The following IPMK variants were observed in gnomAD, a reference collection of about 807,000 sequenced individuals.
IPMK encodes inositol 1,3,4,6-tetrakisphosphate 5-kinase.
A neutral mutation model predicts 45.8 loss-of-function variants in IPMK; 17 were observed. The observed-to-expected ratio is 0.37, with a 90% CI of 0.25 to 0.56. The LOEUF (loss-of-function observed/expected upper bound fraction) is 0.56. Among genes scored for constraint, IPMK ranks in the 20% least tolerant of loss-of-function variants. The pLI, the probability that IPMK is intolerant of heterozygous loss-of-function variation, is 0.79. For synonymous variants in IPMK, 180 were observed against 184.3 expected, an observed-to-expected ratio of 0.98 and a Z score of 0.19; for missense variants, 399 against 498.0, an observed-to-expected ratio of 0.80 and a Z score of 1.89.
chr10:58,193,885 C>A lies in IPMK; in HGVS notation c.*2191G>T, dbSNP rs1349764484. Reference sequence around the variant, plus strand: ...ATAAACAGATACTTATTCTGTTATACCTAAGCCTACTTATAAAGCAACATA... The same window carrying A: ...ATAAACAGATACTTATTCTGTTATAACTAAGCCTACTTATAAAGCAACATA... On this transcript the variant is annotated 3_prime_UTR_variant, in exon 6 of 6. Transcript: ENST00000373935. 6.6e-6 allele frequency: 1 copy of A among 151,660 alleles called. No individual in the cohort carries two copies. Among genetic ancestry groups the A allele is most frequent in the Non-Finnish European group, 1.5e-5 (1 of 67,702 alleles). The allele number at this position is 151,660 out of a possible 1,614,324, so 9.4% of individuals were successfully genotyped here. A position where few individuals can be genotyped will look rare whatever the true frequency, so the allele number is the denominator to read the frequency against.
Position 58,211,163 on chromosome 10 carries a change from T to C in IPMK, c.546+4982A>G, listed in dbSNP as rs115138864. On this transcript the variant is annotated intron_variant, in intron 4 of 5. Coordinates refer to ENST00000373935, the MANE Select transcript of IPMK (RefSeq NM_152230.5). ...AATCAAGATCAGTAGGATTGATGGATGGCTGACAGGTAACAGTGATTACCC... is the reference window on the plus strand; with the variant it reads ...AATCAAGATCAGTAGGATTGATGGACGGCTGACAGGTAACAGTGATTACCC... Among the ~76,000 whole-genome samples the C allele has an allele frequency of 7.9e-3, 1,191 of 150,860 alleles. 18 individuals carry two copies. The highest frequency in any genetic ancestry group is 0.025 in the African/African-American group (1,036 of 40,960).
At chr10:58,237,387 C>T (rs575327209) in intron 2 of IPMK, among the ~76,000 whole-genome samples, 1 of 152,300 alleles carries the variant, frequency 6.6e-6, no homozygotes, top group South Asian at 2.1e-4. Flanking sequence ...TTGCCATAAG[C>T]TCTAACCTTA....
intron 4 of IPMK, among the ~76,000 whole-genome samples, chr10:58,210,724 C>G (rs373436857): frequency 1.5e-3 from 227 of 152,184 alleles, no homozygotes; most frequent in Non-Finnish European, 2.8e-3. Context: ...CAACTGTGAT[C>G]TGGATTCTCA....
intron 3 of IPMK, among the ~76,000 whole-genome samples, chr10:58,220,800 A>G (rs1241006314): frequency 6.6e-6 from 1 of 152,230 alleles, no homozygotes; most frequent in African/African-American, 2.4e-5. Flanking sequence ...TACACTTAGC[A>G]TAATTGCTGC....
chr10:58,235,632 CAG>C (rs1838598741), intron 2 of IPMK, among the ~76,000 whole-genome samples: 2 of 152,004 alleles, frequency 1.3e-5, no homozygotes, highest in Non-Finnish European at 2.9e-5. Context: ...CACTTGGACA[CAG>C]GGGAACATCA....
At chr10:58,232,217 C>T (rs1049508586) in intron 2 of IPMK, among the ~76,000 whole-genome samples, 1 of 152,100 alleles carries the variant, frequency 6.6e-6, no homozygotes, top group African/African-American at 2.4e-5. Flanking sequence ...ACTTAGACCC[C>T]CACACAATAA....
intron 1 of IPMK, among the ~76,000 whole-genome samples, chr10:58,238,301 A>C (rs1838645030): frequency 6.6e-6 from 1 of 152,366 alleles, no homozygotes; most frequent in Admixed American, 6.5e-5. Context: ...TTGCTGATTC[A>C]AATGCACTGT....
At chr10:58,261,780 C>T (rs1721666072) in intron 1 of IPMK, among the ~76,000 whole-genome samples, 1 of 152,098 alleles carries the variant, frequency 6.6e-6, no homozygotes, top group Admixed American at 6.5e-5. Flanking sequence ...CAGGGTTTTG[C>T]CATGTTGGCC....
chr10:58,200,877 A>G (rs1234231955), intron 4 of IPMK, among the ~76,000 whole-genome samples: 1 of 152,154 alleles, frequency 6.6e-6, no homozygotes, highest in East Asian at 1.9e-4. Context: ...GGCACATGTG[A>G]TATTTTTTTA....
At chr10:58,198,990 A>AT (rs958484059) in intron 5 of IPMK, among the ~76,000 whole-genome samples, 54 of 149,696 alleles carry the variant, frequency 3.6e-4, no homozygotes, top group South Asian at 1.7e-3. Context: ...ACAGCTGTTC[A>AT]TTTTTTTTTT....
rs143183136 is a variant in IPMK, at chr10:58,231,113, C to T, written c.277-3974G>A. 8.5e-3 allele frequency among the ~76,000 whole-genome samples: 1,293 copies of T among 151,906 alleles called. 20 individuals carry two copies. The highest frequency in any genetic ancestry group is 0.03 in the African/African-American group (1,253 of 41,414). On this transcript the variant is annotated intron_variant, in intron 2 of 5. Transcript: ENST00000373935. ...AACAAATCAATGAAATAAAGCAAGA[C>T]GACAAGGTTAGAGAAAAAAGAGTAA...
intron 1 of IPMK, among the ~76,000 whole-genome samples, chr10:58,255,022 C>T (rs989305138): frequency 2.6e-5 from 4 of 152,224 alleles, no homozygotes; most frequent in African/African-American, 9.6e-5. Context: ...GGAACTTAAT[C>T]ATGGCTGTTA....
At chr10:58,262,774 C>T (rs1839094361) in intron 1 of IPMK, among the ~76,000 whole-genome samples, 1 of 152,024 alleles carries the variant, frequency 6.6e-6, no homozygotes, top group Admixed American at 6.6e-5. Context: ...TGATTAAAGT[C>T]CAATAAATAA....
Position 58,196,052 on chromosome 10 carries a change from C to T in IPMK, c.*24G>A, listed in dbSNP as rs1234849848. The T allele has an allele frequency of 6.3e-7, 1 of 1,592,416 alleles. No homozygotes were observed. The highest frequency in any genetic ancestry group is 1.1e-5 in the South Asian group (1 of 87,734). Reference sequence around the variant, plus strand: ...CCTCTTCATTATGATTGGCCCACCCCTTAAAAAGACTGCAACAGAGGATTC... The same window carrying T: ...CCTCTTCATTATGATTGGCCCACCCTTTAAAAAGACTGCAACAGAGGATTC... On this transcript the variant is annotated 3_prime_UTR_variant, in exon 6 of 6. Transcript: ENST00000373935.
At chr10:58,244,017 G>C (rs1360567050) in intron 1 of IPMK, among the ~76,000 whole-genome samples, 2 of 149,194 alleles carry the variant, frequency 1.3e-5, no homozygotes, top group Non-Finnish European at 3.0e-5. Context: ...GTCTCTGCCC[G>C]GCTGCCCCGC....
intron 3 of IPMK, among the ~76,000 whole-genome samples, chr10:58,223,829 A>G (rs112770121): frequency 1.4e-4 from 22 of 152,116 alleles, no homozygotes; most frequent in Non-Finnish European, 1.5e-5. Flanking sequence ...GATAGTTTTA[A>G]AAGTGGCAGT....
intron 4 of IPMK, chr10:58,212,842 G>A (rs138171042): frequency 4.4e-5 from 10 of 229,270 alleles, no homozygotes. Context: ...GATAACTGTG[G>A]TTTTGGTACC....
intron 2 of IPMK, 51 bp downstream of exon 2, chr10:58,237,678 A>G: frequency 1.5e-6 from 2 of 1,362,318 alleles, no homozygotes; most frequent in Middle Eastern, 2.5e-4. Context: ...CACCACCAGA[A>G]AACTCTGAAA....
At chr10:58,199,190 G>T in intron 5 of IPMK, 50 bp downstream of exon 5, 2 of 1,097,654 alleles carry the variant, frequency 1.8e-6, no homozygotes, top group Non-Finnish European at 2.7e-6. Flanking sequence ...AATAACTTTA[G>T]AAGTCTTTTA....
Sources: allele counts gnomAD v4.1 joint callset (sites outside exome capture counted in the v4.1 genomes callset), GRCh38; gene constraint gnomAD v4.1.1; transcripts MANE v1.5; gene names NCBI Gene and HGNC (gene_info 2026-07-23, HGNC 2026-07-21).